The following PTPN18 variants were observed in gnomAD, a reference collection of about 807,000 sequenced individuals.
The protein encoded by PTPN18 is tyrosine-protein phosphatase non-receptor type 18.
A neutral mutation model predicts 65.4 loss-of-function variants in PTPN18; 65 were observed. The observed-to-expected ratio is 0.99, with a 90% CI of 0.81 to 1.22. PTPN18 has a LOEUF of 1.22. PTPN18 is among the 50% of genes most tolerant of loss of function. PTPN18 has a pLI of 0.00. For missense variants in PTPN18, 616 were observed against 646.5 expected, an observed-to-expected ratio of 0.95 and a Z score of 0.51; for synonymous variants, 255 against 267.8, an observed-to-expected ratio of 0.95 and a Z score of 0.47.
Position 130,370,962 on chromosome 2 carries a change from G to A in PTPN18, c.922G>A (p.Glu308Lys). The change falls in exon 11 of 15, where the codon GAG becomes AAG. Residue 308 changes from glutamate to lysine, a missense_variant and splice_region_variant. Physicochemically the swap from Glu to Lys is moderately conservative, Grantham distance 56. Coordinates refer to ENST00000175756, the MANE Select transcript of PTPN18 (RefSeq NM_014369.4). ...NASPHYQNIK[E>K]NCAPLYDDAL... ...CAGCCCCCACTACCAGAACATCAAA[G>A]AGGTACAGAGGCTCCTTTCCCACTC... 1 of 1,613,560 alleles carries A rather than the reference G, an allele frequency of 6.2e-7. No homozygotes were observed. The highest frequency in any genetic ancestry group is 8.5e-7 in the Non-Finnish European group (1 of 1,179,592).
chr2:130,371,920 G>A (rs1180314500), intron 12 of PTPN18: 2 of 280,628 alleles, frequency 7.1e-6, no homozygotes, highest in Admixed American at 5.1e-5. Flanking sequence ...TCGCAGCGGA[G>A]ACTTAAGGCC....
intron 5 of PTPN18, among the ~76,000 whole-genome samples, chr2:130,367,158 A>ATTACAG (rs1680412740): frequency 8.1e-6 from 1 of 124,052 alleles, no homozygotes; most frequent in African/African-American, 5.4e-5. Flanking sequence ...AAATAGCTGG[A>ATTACAG]GCAGCCACTG....
At chr2:130,368,648 ATTG>A (rs1460496329) in intron 5 of PTPN18, among the ~76,000 whole-genome samples, 4 of 152,042 alleles carry the variant, frequency 2.6e-5, no homozygotes, top group Non-Finnish European at 5.9e-5. Flanking sequence ...TATGCAAGTT[ATTG>A]TTTTGTTTTT....
In PTPN18 at chr2:130,374,576, T is replaced by G. The variant is rs1680681181; in HGVS notation, c.*1352T>G. On this transcript the variant is annotated 3_prime_UTR_variant, in exon 15 of 15. Coordinates refer to ENST00000175756, the MANE Select transcript of PTPN18 (RefSeq NM_014369.4). ...AGGAGGACACGTCTCTGTGCACTGG[T>G]GTGGACAAATCTCCAAGTCACTGCA... 2 of 469,950 alleles carry G rather than the reference T, an allele frequency of 4.3e-6. No homozygotes were observed. The highest frequency in any genetic ancestry group is 8.8e-6 in the Non-Finnish European group (2 of 226,574). 29.1% of individuals were successfully genotyped at this position (469,950 alleles called of 1,614,324 possible). A position where few individuals can be genotyped will look rare whatever the true frequency, so the allele number is the denominator to read the frequency against.
chr2:130,358,868 A>G lies in PTPN18; in HGVS notation c.95A>G (p.Asp32Gly). ...GACCCACTCATAATGCTCTACCAGG[A>G]CATCCAGGCCTGCTCGGCCGCCTGG... ...EGAVLAGEFS[D>G]IQACSAAWKA... is the part of the protein sequence containing the mutation. Residue 32 changes from aspartate to glycine, a missense_variant and splice_region_variant, in exon 2 of 15, where the codon GAC (aspartate) becomes GGC (glycine). Asp to Gly is a moderately conservative substitution (Grantham distance 94). This residue lies in a region of PTPN18 where 223 missense variants were observed against 210.0 expected (regional missense o/e 1.06). Coordinates refer to ENST00000175756, the MANE Select transcript of PTPN18 (RefSeq NM_014369.4). 6.2e-7 allele frequency: 1 copy of G among 1,610,486 alleles called. No homozygotes were observed.
intron 8 of PTPN18, 141 bp from the exon 9 acceptor site, chr2:130,370,416 G>C (rs190110636): frequency 5.9e-5 from 69 of 1,177,072 alleles, no homozygotes; most frequent in South Asian, 4.6e-4. Flanking sequence ...GGTTTTCCTT[G>C]TTCAGATATA....
chr2:130,358,931 G>T lies in PTPN18; in HGVS notation c.158G>T (p.Arg53Leu). 6.2e-7 allele frequency: 1 copy of T among 1,614,172 alleles called. No homozygotes were observed. The highest frequency in any genetic ancestry group is 8.5e-7 in the Non-Finnish European group (1 of 1,180,024). ...GTGTGCTCCACCGTGGCCGGCAGTC[G>T]GCCAGAGAACGTGAGGAAGAACCGC... ...DGVCSTVAGS[R>L]PENVRKNRYK... The change falls in exon 2 of 15, where the codon CGG (arginine) becomes CTG (leucine). Residue 53 changes from arginine to leucine, a missense_variant. By Grantham distance (102) the Arg-to-Leu change is moderately radical. Around this residue, in one of 3 missense-constraint regions of PTPN18, gnomAD observed 223 missense variants for 210.0 expected, o/e 1.06. Coordinates refer to ENST00000175756, the MANE Select transcript of PTPN18 (RefSeq NM_014369.4).
chr2:130,367,186 A>G (rs1212702208), intron 5 of PTPN18, among the ~76,000 whole-genome samples: 1 of 150,478 alleles, frequency 6.6e-6, no homozygotes, highest in Non-Finnish European at 1.5e-5. Context: ...GCATCTGAAG[A>G]GCTTACTCTA....
intron 1 of PTPN18, chr2:130,356,684 C>T (rs1477507723): frequency 4.4e-6 from 2 of 459,180 alleles, no homozygotes; most frequent in African/African-American, 2.0e-5. Flanking sequence ...AATCCGCGTC[C>T]GGGCCCGAAT....
In PTPN18 at chr2:130,373,201, C is replaced by G; in HGVS notation, c.1360C>G (p.Pro454Ala). The change falls in exon 15 of 15, where the codon CCT (proline) becomes GCT (alanine). Residue 454 changes from proline to alanine, a missense_variant. Pro to Ala is a conservative substitution (Grantham distance 27). Around this residue, in one of 3 missense-constraint regions of PTPN18, gnomAD observed 368 missense variants for 386.7 expected, o/e 0.95. Coordinates refer to ENST00000175756, the MANE Select transcript of PTPN18 (RefSeq NM_014369.4). The surrounding 1 kb of genome is among the most constrained non-coding windows in gnomAD (Gnocchi z 4.1). The part of the protein sequence containing the change: ...IGRPKGPRDP[P>A]AEWTRV ...GAGGCCGAAGGGTCCCCGGGACCCG[C>G]CTGCTGAGTGGACCCGGGTGTAAGT... is the stretch of plus-strand genomic sequence containing the variant. 6.2e-7 allele frequency: 1 copy of G among 1,602,354 alleles called. No homozygotes were observed. Among genetic ancestry groups the G allele is most frequent in the Non-Finnish European group, 8.5e-7 (1 of 1,174,956 alleles).
rs1434571057 is a variant in PTPN18, at chr2:130,372,355, A to G, written c.1112A>G (p.Gln371Arg). The change falls in exon 13 of 15, where the codon CAG becomes CGG. Residue 371 changes from glutamine (Q) to arginine (R), a missense_variant. Transcript: ENST00000175756. ...GAPAGAGSGT[Q>R]TGTGTGTGAR... ...CCAGCGGGCGCCGGGAGTGGGACGC[A>G]GACGGGGACGGGGACGGGGACGGGG... 5.1e-6 allele frequency: 7 copies of G among 1,374,494 alleles called. No individual in the cohort carries two copies. The highest frequency in any genetic ancestry group is 3.3e-5 in the South Asian group (2 of 60,682). The allele number at this position is 1,374,494 out of a possible 1,614,324, so 85.1% of individuals were successfully genotyped here. A position where few individuals can be genotyped will look rare whatever the true frequency, so the allele number is the denominator to read the frequency against.
At chr2:130,368,155 T>G (rs1281681638) in intron 5 of PTPN18, among the ~76,000 whole-genome samples, 2 of 152,204 alleles carry the variant, frequency 1.3e-5, no homozygotes, top group Non-Finnish European at 2.9e-5. Context: ...GTATTTGTAA[T>G]AGCCATTTTA....
rs1454831457 is a variant in PTPN18 at position 130,356,115 on chromosome 2, G to A, written c.8G>A (p.Arg3His). 3.1e-6 allele frequency: 4 copies of A among 1,304,274 alleles called. No individual in the cohort carries two copies. Among genetic ancestry groups the A allele is most frequent in the South Asian group, 2.2e-5 (1 of 45,380 alleles). The allele number at this position is 1,304,274 out of a possible 1,614,324, so 80.8% of individuals were successfully genotyped here. A position where few individuals can be genotyped will look rare whatever the true frequency, so the allele number is the denominator to read the frequency against. MS[R>H]SLDSARSFLE... ...TTGCTGGCCCGCGGCGCCATGAGCC[G>A]CAGCCTGGACTCGGCGCGGAGCTTC... Residue 3 changes from arginine (R) to histidine (H), a missense_variant, in exon 1 of 15, where the codon CGC becomes CAC. This residue lies in a region of PTPN18 where 223 missense variants were observed against 210.0 expected (regional missense o/e 1.06). Coordinates refer to ENST00000175756, the MANE Select transcript of PTPN18 (RefSeq NM_014369.4).
chr2:130,368,227 C>T (rs780702631), intron 5 of PTPN18, among the ~76,000 whole-genome samples: 4 of 152,094 alleles, frequency 2.6e-5, no homozygotes, highest in Non-Finnish European at 5.9e-5. Context: ...TAATTTTTCT[C>T]CTGGTTATGG....
chr2:130,370,987 C>T (rs764089653), intron 11 of PTPN18, 23 bp downstream of exon 11: 1 of 1,605,502 alleles, frequency 6.2e-7, no homozygotes, highest in East Asian at 2.2e-5. Context: ...CTTTCCCACT[C>T]TCCTGTCCAC....
intron 8 of PTPN18, 128 bp downstream of exon 8, chr2:130,370,318 G>A: frequency 2.2e-6 from 3 of 1,388,898 alleles, no homozygotes; most frequent in Non-Finnish European, 3.0e-6. Context: ...ACCCTCCATG[G>A]ACTGTAATTG....
At position 130,373,115 on chromosome 2, in the gene PTPN18, C is replaced by T. The variant is rs369799604; in HGVS notation, c.1316-42C>T. ...TTCATGTCTGCCAGCTTCCACACAC[C>T]TCAGCTTCTCCATGAGACCCACGGC... is the stretch of plus-strand genomic sequence containing the variant. On this transcript the variant is annotated intron_variant, in intron 14 of 14. Coordinates refer to ENST00000175756, the MANE Select transcript of PTPN18 (RefSeq NM_014369.4). This position sits in a 1 kb window ranked among gnomAD's most constrained non-coding sequence, Gnocchi z 4.1. 1.7e-5 allele frequency: 26 copies of T among 1,556,542 alleles called. No individual in the cohort carries two copies. The highest frequency in any genetic ancestry group is 2.3e-5 in the Non-Finnish European group (26 of 1,148,328).
chr2:130,364,192 C>G (rs1451662816), intron 5 of PTPN18, among the ~76,000 whole-genome samples: 1 of 152,172 alleles, frequency 6.6e-6, no homozygotes, highest in African/African-American at 2.4e-5. Context: ...TCATCCCAAA[C>G]AGAAATTCTG....
At chr2:130,371,979 CT>C (rs1300668855) in intron 12 of PTPN18, 3 of 424,910 alleles carry the variant, frequency 7.1e-6, no homozygotes, top group Non-Finnish European at 1.3e-5. Context: ...CTTCCGCATT[CT>C]TTTGTTCAGT....
Sources: allele counts gnomAD v4.1 joint callset (sites outside exome capture counted in the v4.1 genomes callset), GRCh38; gene constraint gnomAD v4.1.1; regional missense constraint gnomAD v4.1.1; non-coding constraint Gnocchi (gnomAD v3.1); transcripts MANE v1.5; gene names NCBI Gene and HGNC (gene_info 2026-07-23, HGNC 2026-07-21).